The following MSN variants were observed in gnomAD, a reference collection of about 807,000 sequenced individuals.
The protein encoded by MSN is moesin.
MSN carries 2 observed loss-of-function variants against 48.0 expected under a neutral mutation model. The ratio of observed to expected loss-of-function variants is 0.04; its 90% confidence interval spans 0.02 to 0.13. The LOEUF (loss-of-function observed/expected upper bound fraction) is 0.13, where lower values mean the gene tolerates loss of function less well. Ranked by LOEUF, MSN falls within the 10% of genes least tolerant of loss-of-function variation. The pLI is 1.00. For missense variants in MSN, 267 were observed against 470.1 expected, an observed-to-expected ratio of 0.57 and a Z score of 3.99; for synonymous variants, 146 against 166.9, an observed-to-expected ratio of 0.87 and a Z score of 0.97.
intron 1 of MSN, among the ~76,000 whole-genome samples, chrX:65,709,768 T>C (rs1430916690): frequency 8.9e-6 from 1 of 112,688 alleles, no homozygotes; most frequent in Non-Finnish European, 1.9e-5. Context: ...CTTGCTTCCT[T>C]TGAAAATTAT....
chrX:65,601,441 G>T (rs1032345438), intron 1 of MSN, among the ~76,000 whole-genome samples: 1 of 112,457 alleles, frequency 8.9e-6, no homozygotes, highest in African/African-American at 3.2e-5. Flanking sequence ...TCCATTAAAA[G>T]AAGTAGAATA....
upstream of MSN, among the ~76,000 whole-genome samples, chrX:65,667,470 A>G (rs1322046484): frequency 9.1e-6 from 1 of 109,794 alleles, no homozygotes; most frequent in African/African-American, 3.3e-5. Flanking sequence ...GGGGAGTGGT[A>G]GCTACCCTAG....
chrX:65,714,403 A>G (rs970178632), intron 1 of MSN, among the ~76,000 whole-genome samples: 11 of 111,747 alleles, frequency 9.8e-5, no homozygotes, highest in Non-Finnish European at 2.1e-4. Context: ...ACTGTTTTCT[A>G]CCATGGTTGA....
intron 1 of MSN, among the ~76,000 whole-genome samples, chrX:65,682,152 G>A (rs1404912140): frequency 2.7e-5 from 3 of 111,830 alleles, no homozygotes; most frequent in Admixed American, 1.9e-4. Context: ...GTGAAACTGA[G>A]CACCTTTCAG....
At position 65,630,038 on chromosome X, in the gene MSN, G is replaced by T. The variant is rs190348946; in HGVS notation, c.-22+41426G>T. ...TACAAAAAATACAAAAATTCGCTGG[G>T]TGTGGTGGTGGGTGCTTGTAATCCC... On this transcript the variant is annotated intron_variant, in intron 1 of 3. Coordinates refer to the MSN transcript ENST00000609672. Among the ~76,000 whole-genome samples the T allele has an allele frequency of 4.3e-3, 475 of 111,018 alleles. 2 individuals are homozygous for T. Among genetic ancestry groups the T allele is most frequent in the African/African-American group, 0.013 (411 of 30,541 alleles).
chrX:65,736,874 C>G lies in MSN; in HGVS notation c.1039C>G (p.Leu347Val), dbSNP rs1417412293. The change falls in exon 9 of 13, where the codon CTG becomes GTG. Residue 347 changes from leucine to valine, a missense_variant. By Grantham distance (32) the Leu-to-Val change is conservative. This residue lies in a region of MSN where 70 missense variants were observed against 76.3 expected (regional missense o/e 0.92). Transcript: ENST00000360270. ...KEKIEREKEE[L>V]MERLKQIEEQ... ...GAAGATTGAACGGGAGAAGGAGGAG[C>G]TGATGGAGAGGCTGAAGCAGATCGA... 1 of 1,192,508 alleles carries G rather than the reference C, an allele frequency of 8.4e-7. No individual in the cohort carries two copies. Among genetic ancestry groups the G allele is most frequent in the Admixed American group, 2.3e-5 (1 of 43,290 alleles).
chrX:65,620,680 A>G (rs765818955), intron 1 of MSN, among the ~76,000 whole-genome samples: 2 of 110,101 alleles, frequency 1.8e-5, no homozygotes, highest in Non-Finnish European at 3.8e-5. Flanking sequence ...TGCGTCGCTT[A>G]CTCTGGGAGC....
chrX:65,588,594 G>A (rs1039791203), exon 1 of MSN: 1 of 801,068 alleles, frequency 1.2e-6, no homozygotes, highest in Non-Finnish European at 1.5e-6. Context: ...AGTGTTCGTG[G>A]ACCATGCAAA....
At chrX:65,592,817 G>C (rs2070158584) in intron 1 of MSN, among the ~76,000 whole-genome samples, 1 of 110,557 alleles carries the variant, frequency 9.0e-6, no homozygotes, top group Non-Finnish European at 1.9e-5. Flanking sequence ...AAGGTGGGCG[G>C]ATCACTTGAG....
At chrX:65,692,595 T>G (rs2071184993) in intron 1 of MSN, among the ~76,000 whole-genome samples, 1 of 112,841 alleles carries the variant, frequency 8.9e-6, no homozygotes, top group Non-Finnish European at 1.9e-5. Flanking sequence ...TTGGTGAACT[T>G]GCCTGTTGGA....
intron 1 of MSN, among the ~76,000 whole-genome samples, chrX:65,682,732 T>G (rs772892768): frequency 1.8e-5 from 2 of 112,343 alleles, no homozygotes; most frequent in East Asian, 5.6e-4. Context: ...TCAACAAATA[T>G]TTATTGAATA....
intron 2 of MSN, among the ~76,000 whole-genome samples, chrX:65,720,588 G>A (rs745600747): frequency 3.6e-5 from 4 of 112,354 alleles, no homozygotes; most frequent in African/African-American, 1.3e-4. Context: ...AACTTGATGA[G>A]GCATAAGGGA....
At chrX:65,708,050 A>G (rs544280176) in intron 1 of MSN, among the ~76,000 whole-genome samples, 13 of 109,539 alleles carry the variant, frequency 1.2e-4, no homozygotes, top group Middle Eastern at 4.7e-3. Context: ...TGGTCTTGCT[A>G]TATTGCCCAG....
At chrX:65,593,929 T>A (rs1417841496) in intron 1 of MSN, among the ~76,000 whole-genome samples, 1 of 112,250 alleles carries the variant, frequency 8.9e-6, no homozygotes, top group Non-Finnish European at 1.9e-5. Context: ...CACAGACACC[T>A]TGATTGGGAG....
intron 1 of MSN, among the ~76,000 whole-genome samples, chrX:65,690,406 T>A (rs1012556919): frequency 7.2e-5 from 8 of 111,524 alleles, no homozygotes; most frequent in African/African-American, 2.3e-4. Flanking sequence ...ATAGTAGTTA[T>A]GGCCCCCAAC....
intron 1 of MSN, among the ~76,000 whole-genome samples, chrX:65,617,462 C>A (rs1215635718): frequency 9.8e-6 from 1 of 102,037 alleles, no homozygotes; most frequent in African/African-American, 4.6e-5. Flanking sequence ...GGAATTTATG[C>A]ATTTCTTCTA....
intron 1 of MSN, among the ~76,000 whole-genome samples, chrX:65,696,887 T>C (rs1006412822): frequency 9.0e-6 from 1 of 110,795 alleles, no homozygotes; most frequent in Non-Finnish European, 1.9e-5. Context: ...TCTTATCTTA[T>C]CCTTGCCACC....
chrX:65,692,001 C>T (rs1027535456), intron 1 of MSN, among the ~76,000 whole-genome samples: 1 of 112,036 alleles, frequency 8.9e-6, no homozygotes, highest in Non-Finnish European at 1.9e-5. Context: ...AGCCGTGGAG[C>T]TCTGTGGTGG....
At chrX:65,614,995 A>G (rs1248464493) in intron 1 of MSN, among the ~76,000 whole-genome samples, 1 of 96,984 alleles carries the variant, frequency 1.0e-5, no homozygotes, top group African/African-American at 3.9e-5. Context: ...GAGAATGATG[A>G]TTTCCAATTT....
Sources: gnomAD v4.1 joint callset for allele counts (sites outside exome capture counted in the v4.1 genomes callset) on GRCh38, gnomAD v4.1.1 for gene constraint, gnomAD v4.1.1 regional missense constraint, MANE v1.5 for transcripts, NCBI Gene and HGNC (gene_info 2026-07-23, HGNC 2026-07-21) for gene names.